TMC1: variants seen among roughly 807,000 people sequenced by gnomAD.
TMC1 encodes transmembrane channel-like protein 1.
A neutral mutation model predicts 105.8 loss-of-function variants in TMC1; 84 were observed. The ratio of observed to expected loss-of-function variants is 0.79; its 90% CI spans 0.67 to 0.95. The LOEUF is 0.95. Among genes scored for constraint, TMC1 ranks in the 40% least tolerant of loss-of-function variants. TMC1 has a pLI of 0.00. For missense variants in TMC1, 817 were observed against 914.1 expected (o/e 0.89, Z 1.37); for synonymous variants, 315 against 311.5 (o/e 1.01, Z -0.12).
At chr9:72,553,413 A>G (rs770649526) in intron 1 of TMC1, among the ~76,000 whole-genome samples, 1 of 152,194 alleles carries the variant, frequency 6.6e-6, no homozygotes. Flanking sequence ...GTAAAGTTAA[A>G]TATCTCCTTA....
intron 5 of TMC1, 46 bp from the exon 6 acceptor site, chr9:72,688,663 G>T: frequency 1.3e-6 from 2 of 1,509,708 alleles, no homozygotes; most frequent in East Asian, 2.3e-5. Context: ...ACTAACAATT[G>T]TACAGGCATT....
chr9:72,623,090 C>CAAAAGAAA lies in TMC1; in HGVS notation c.-195-4827_-195-4820dup, dbSNP rs1238028526. Reference sequence around the variant, plus strand: ...AACAAAAGAAAAACAACAACAACAACAAAAGAAAAAACAAAAATGAAAGAA... The same window carrying CAAAAGAAA: ...AACAAAAGAAAAACAACAACAACAACAAAAGAAAAAAAGAAAAAACAAAAATGAAAGAA... On this transcript the variant is annotated intron_variant, in intron 3 of 23. Coordinates refer to ENST00000297784, the MANE Select transcript of TMC1 (RefSeq NM_138691.3). Among the ~76,000 whole-genome samples the CAAAAGAAA allele has an allele frequency of 1.8e-4, 26 of 145,218 alleles. No individual in the cohort carries two copies. The East Asian group carries it at 5.0e-3, about 28-fold the overall frequency.
At chr9:72,693,793 ATTC>A (rs1196228461) in intron 6 of TMC1, among the ~76,000 whole-genome samples, 1 of 152,084 alleles carries the variant, frequency 6.6e-6, no homozygotes, top group East Asian at 1.9e-4. Flanking sequence ...TTATCTCTCT[ATTC>A]TTTACCTGGA....
At chr9:72,698,125 T>TTA (rs1026679253) in intron 7 of TMC1, among the ~76,000 whole-genome samples, 1 of 152,166 alleles carries the variant, frequency 6.6e-6, no homozygotes, top group African/African-American at 2.4e-5. Context: ...TCATAGGCTT[T>TTA]TATATGATAA....
chr9:72,821,358 C>T (rs560806524), intron 20 of TMC1, among the ~76,000 whole-genome samples: 8 of 151,832 alleles, frequency 5.3e-5, no homozygotes, highest in African/African-American at 1.9e-4. Flanking sequence ...AAAAATTAGT[C>T]GCGTGTGGTG....
chr9:72,732,721 C>G (rs72733050), intron 8 of TMC1, among the ~76,000 whole-genome samples: 1 of 152,066 alleles, frequency 6.6e-6, no homozygotes, highest in Non-Finnish European at 1.5e-5. Context: ...CCTGGGGAAA[C>G]TGGGAGCACT....
intron 13 of TMC1, among the ~76,000 whole-genome samples, chr9:72,778,136 C>T (rs1224412263): frequency 6.6e-6 from 1 of 152,162 alleles, no homozygotes; most frequent in Non-Finnish European, 1.5e-5. Context: ...TTGTTGTTAT[C>T]CTCTGCAGTC....
At chr9:72,531,766 T>G (rs1049844700) in intron 1 of TMC1, among the ~76,000 whole-genome samples, 1 of 151,318 alleles carries the variant, frequency 6.6e-6, no homozygotes, top group Non-Finnish European at 1.5e-5. Context: ...AGGCACTGAT[T>G]TTTTTTACCC....
At chr9:72,590,497 A>C (rs867347185) in intron 2 of TMC1, among the ~76,000 whole-genome samples, 23 of 152,220 alleles carry the variant, frequency 1.5e-4, no homozygotes, top group Middle Eastern at 6.8e-3. Flanking sequence ...CCATTTCCTA[A>C]CTGTGTGATT....
chr9:72,780,088 A>G (rs1049812137), intron 13 of TMC1, among the ~76,000 whole-genome samples: 2 of 152,234 alleles, frequency 1.3e-5, no homozygotes, highest in African/African-American at 4.8e-5. Flanking sequence ...ACAACCAAGA[A>G]GAGATTAGGG....
chr9:72,771,359 C>A (rs1026950502), intron 12 of TMC1, among the ~76,000 whole-genome samples: 2 of 152,220 alleles, frequency 1.3e-5, no homozygotes, highest in Non-Finnish European at 2.9e-5. Flanking sequence ...TAAATTACTT[C>A]TCTTAATTCT....
intron 2 of TMC1, chr9:72,578,263 CGCGTGTGTGT>C (rs1564423234): frequency 1.5e-5 from 2 of 132,460 alleles, no homozygotes; most frequent in African/African-American, 5.3e-5. Flanking sequence ...CACGCGCGCA[CGCGTGTGTGT>C]GTGTGTGTGT....
chr9:72,595,228 G>A (rs1055589812), intron 2 of TMC1, among the ~76,000 whole-genome samples: 1 of 152,090 alleles, frequency 6.6e-6, no homozygotes, highest in Non-Finnish European at 1.5e-5. Flanking sequence ...AAGCCAAATG[G>A]TATTAATTTT....
chr9:72,729,230 T>C lies in TMC1; in HGVS notation c.363-10889T>C, dbSNP rs1037147324. Among the ~76,000 whole-genome samples the C allele has an allele frequency of 4.6e-5, 7 of 152,296 alleles. No homozygotes were observed. In the South Asian group the frequency reaches 1.2e-3, roughly 27 times the overall value. ...AAAAAATTCCCTTAAGAAATTTTTG[T>C]ACATAGGTCACTCTCATGTTTGTTG... On this transcript the variant is annotated intron_variant, in intron 8 of 23. Coordinates refer to ENST00000297784, the MANE Select transcript of TMC1 (RefSeq NM_138691.3).
At chr9:72,545,872 A>G (rs1308233882) in intron 1 of TMC1, among the ~76,000 whole-genome samples, 4 of 152,186 alleles carry the variant, frequency 2.6e-5, no homozygotes, top group Non-Finnish European at 5.9e-5. Context: ...TTTAAAATTG[A>G]CAATACCTTC....
chr9:72,801,030 C>G (rs1188719691), intron 17 of TMC1, among the ~76,000 whole-genome samples: 1 of 152,218 alleles, frequency 6.6e-6, no homozygotes, highest in East Asian at 1.9e-4. Flanking sequence ...CACCCTCATT[C>G]ATTGTTCTAT....
Position 72,721,000 on chromosome 9 carries a change from T to A in TMC1, c.363-19119T>A, listed in dbSNP as rs73650838. On this transcript the variant is annotated intron_variant, in intron 8 of 23. Coordinates refer to ENST00000297784, the MANE Select transcript of TMC1 (RefSeq NM_138691.3). ...CAGCTACATAATTTGCATGATGTAA[T>A]GTAAAATGCAAATGGGGGGCCCCTT... 3.6e-3 allele frequency among the ~76,000 whole-genome samples: 546 copies of A among 152,230 alleles called. 3 individuals are homozygous for A. Among genetic ancestry groups the A allele is most frequent in the African/African-American group, 0.013 (522 of 41,542 alleles).
chr9:72,579,530 C>T (rs1824440950), intron 2 of TMC1, among the ~76,000 whole-genome samples: 1 of 152,178 alleles, frequency 6.6e-6, no homozygotes, highest in Non-Finnish European at 1.5e-5. Flanking sequence ...ACCGCTTTAG[C>T]TTCTAGACAC....
intron 4 of TMC1, among the ~76,000 whole-genome samples, chr9:72,643,130 CCTTT>C (rs542487171): frequency 2.8e-4 from 42 of 152,180 alleles, no homozygotes; most frequent in South Asian, 1.0e-3. Flanking sequence ...CTCCTTCCTT[CCTTT>C]CTTTTTTTCT....
Sources: allele counts gnomAD v4.1 joint callset (sites outside exome capture counted in the v4.1 genomes callset), GRCh38; gene constraint gnomAD v4.1.1; transcripts MANE v1.5; gene names NCBI Gene and HGNC (gene_info 2026-07-23, HGNC 2026-07-21).